Variants in RELB observed in about 807,000 individuals in gnomAD.
RELB encodes transcription factor RelB.
Under a neutral mutation model 55.4 loss-of-function variants are expected in RELB, and 14 were observed. The observed-to-expected ratio is 0.25, with a 90% CI of 0.17 to 0.40. The LOEUF (loss-of-function observed/expected upper bound fraction) is 0.40, where lower values mean the gene tolerates loss of function less well. RELB is among the 10% of genes least tolerant of loss of function. The pLI, the probability that RELB is intolerant of heterozygous loss-of-function variation, is 1.00. For missense variants in RELB, 669 were observed against 830.7 expected, an observed-to-expected ratio of 0.81 and a Z score of 2.39; for synonymous variants, 409 against 371.3, an observed-to-expected ratio of 1.10 and a Z score of -1.17.
In RELB at chr19:45,014,666, C is replaced by T. The variant is rs147179450; in HGVS notation, c.504+2390C>T. Among the ~76,000 whole-genome samples, 1,431 of 150,030 alleles carry T rather than the reference C, an allele frequency of 9.5e-3. 12 individuals are homozygous for T. The highest frequency in any genetic ancestry group is 0.034 in the South Asian group (163 of 4,742). On this transcript the variant is annotated intron_variant, in intron 4 of 11. Transcript: ENST00000221452. ...CCAAGTAGCTGGGATTACAGGCACG[C>T]GCCATGATGTCCGGCTAATATTTTG...
intron 5 of RELB, among the ~76,000 whole-genome samples, chr19:45,023,433 C>T (rs1202791418): frequency 2.7e-5 from 4 of 150,454 alleles, no homozygotes; most frequent in Non-Finnish European, 4.4e-5. Flanking sequence ...TCCTTCCTTC[C>T]GTCCTTCTTT....
At chr19:45,022,875 T>C (rs1971507461) in intron 5 of RELB, among the ~76,000 whole-genome samples, 1 of 152,142 alleles carries the variant, frequency 6.6e-6, no homozygotes, top group Non-Finnish European at 1.5e-5. Flanking sequence ...ACAGAAGCAC[T>C]GTATAACTTT....
chr19:45,024,031 C>T (rs1175518220), intron 5 of RELB, among the ~76,000 whole-genome samples: 1 of 108,120 alleles, frequency 9.2e-6, no homozygotes, highest in African/African-American at 3.2e-5. Flanking sequence ...TTAGTAGAGA[C>T]GGGGTTTCAC....
intron 4 of RELB, 103 bp from the exon 5 acceptor site, chr19:45,021,950 T>C (rs1971494203): frequency 1.7e-6 from 2 of 1,156,302 alleles, no homozygotes; most frequent in Non-Finnish European, 2.4e-6. Context: ...CAGAGGACCC[T>C]AGTGGGGAGA....
intron 7 of RELB, among the ~76,000 whole-genome samples, chr19:45,028,393 A>C (rs1029261399): frequency 3.9e-5 from 6 of 152,024 alleles, no homozygotes; most frequent in African/African-American, 1.5e-4. Flanking sequence ...TTCCTCTGTC[A>C]CGATGGAGTG....
intron 2 of RELB, among the ~76,000 whole-genome samples, chr19:45,007,182 A>T (rs1448558521): frequency 2.6e-5 from 4 of 152,108 alleles, no homozygotes; most frequent in African/African-American, 4.8e-5. Context: ...GAGGCAGCAC[A>T]TACATAGTCA....
At chr19:45,008,479 A>T (rs1391080778) in intron 2 of RELB, 2 of 456,240 alleles carry the variant, frequency 4.4e-6, no homozygotes, top group Non-Finnish European at 8.8e-6. Context: ...ACAGATGCCT[A>T]AGAAGGATTT....
chr19:45,028,950 G>T lies in RELB; in HGVS notation c.949G>T (p.Gly317Cys). Residue 317 changes from glycine to cysteine, a missense_variant, in exon 8 of 12, where the codon GGT becomes TGT. Around this residue, in one of 3 missense-constraint regions of RELB, gnomAD observed 341 missense variants for 436.8 expected, o/e 0.78. Coordinates refer to ENST00000221452, the MANE Select transcript of RELB (RefSeq NM_006509.4). Reference sequence around the variant, plus strand: ...TAACAAGGAAAGCGGGCCGTGCACCGGTGGCGAGGAGCTCTACTTGCTCTG... The same window carrying T: ...TAACAAGGAAAGCGGGCCGTGCACCTGTGGCGAGGAGCTCTACTTGCTCTG... Reference protein sequence around the residue: ...RINKESGPCTGGEELYLLCDK... With the variant: ...RINKESGPCTCGEELYLLCDK... 6.3e-7 allele frequency: 1 copy of T among 1,597,046 alleles called. No individual in the cohort carries two copies. Among genetic ancestry groups the T allele is most frequent in the Non-Finnish European group, 8.5e-7 (1 of 1,172,456 alleles).
chr19:45,012,106 G>T lies in RELB; in HGVS notation c.334G>T (p.Gly112Cys). Residue 112 changes from glycine (G) to cysteine (C), a missense_variant, in exon 4 of 12, where the codon GGC becomes TGC. Gly to Cys is a radical substitution (Grantham distance 159, BLOSUM62 -3). Coordinates refer to ENST00000221452, the MANE Select transcript of RELB (RefSeq NM_006509.4). ...GCCGCCGCCTTGGGGCTGCCCCCTG[G>T]GCCGACTAGTGTCCCCAGCGCCGGG... ...ATPPPWGCPLGRLVSPAPGPG... is the reference protein window; with the variant it reads ...ATPPPWGCPLCRLVSPAPGPG... 6.4e-7 allele frequency: 1 copy of T among 1,557,024 alleles called. No homozygotes were observed. The highest frequency in any genetic ancestry group is 1.2e-5 in the South Asian group (1 of 84,522).
At chr19:45,022,322 C>A (rs1468027752) in intron 5 of RELB, 112 bp downstream of exon 5, 21 of 1,069,570 alleles carry the variant, frequency 2.0e-5, no homozygotes, top group Non-Finnish European at 2.7e-5. Flanking sequence ...ACCCTCCCCA[C>A]TGCCTCTTCT....
chr19:45,022,456 A>G (rs1270590474), intron 5 of RELB, among the ~76,000 whole-genome samples: 2 of 152,126 alleles, frequency 1.3e-5, no homozygotes, highest in Admixed American at 1.3e-4. Flanking sequence ...AGAGAGGGTA[A>G]GGAGCACAGA....
intron 4 of RELB, among the ~76,000 whole-genome samples, chr19:45,017,918 T>G (rs1326253739): frequency 6.6e-6 from 1 of 150,834 alleles, no homozygotes; most frequent in Non-Finnish European, 1.5e-5. Flanking sequence ...GTGCTGGGAT[T>G]GCAGGCACGA....
At chr19:45,008,432 G>A (rs1343841294) in intron 2 of RELB, 3 of 456,066 alleles carry the variant, frequency 6.6e-6, no homozygotes, top group Non-Finnish European at 1.3e-5. Context: ...AGGGTCCAAA[G>A]TCTAACTCTG....
intron 8 of RELB, among the ~76,000 whole-genome samples, chr19:45,029,858 G>GA (rs1056192670): frequency 5.3e-5 from 8 of 151,050 alleles, no homozygotes; most frequent in African/African-American, 1.9e-4. Context: ...TCAAAAAAAA[G>GA]AAAAAAAGAA....
chr19:45,008,529 C>T, intron 2 of RELB: 1 of 456,260 alleles, frequency 2.2e-6, no homozygotes, highest in South Asian at 1.5e-5. Flanking sequence ...TGCCACTGAC[C>T]TAGAGCGTGT....
chr19:45,004,186 G>A (rs965176428), intron 2 of RELB, among the ~76,000 whole-genome samples: 2 of 150,886 alleles, frequency 1.3e-5, no homozygotes, highest in African/African-American at 2.4e-5. Flanking sequence ...CCAAAGTGCT[G>A]GGATTACAGG....
chr19:45,010,107 C>T (rs181730528), intron 3 of RELB, among the ~76,000 whole-genome samples: 5 of 150,028 alleles, frequency 3.3e-5, no homozygotes, highest in African/African-American at 1.2e-4. Context: ...CAGGACTAGC[C>T]TGGGTAACAT....
chr19:45,005,582 G>T (rs540748833), intron 2 of RELB, among the ~76,000 whole-genome samples: 1 of 152,210 alleles, frequency 6.6e-6, no homozygotes, highest in South Asian at 2.1e-4. Context: ...CCCAAGCGGT[G>T]GTCCTGCGCA....
chr19:45,022,061 T>C lies in RELB; in HGVS notation c.513T>C (p.Asp171=). Residue 171 remains aspartate (D), a synonymous_variant, in exon 5 of 12, where the codon GAT becomes GAC. Transcript: ENST00000221452. ...SKTLPAIELR[D]CGGLREVEVT... ...GACTTCTCTTCCTGCAGCTCCGGGATTGTGGAGGGCTGCGGGAGGTGGAGG... is the reference window on the plus strand; with the variant it reads ...GACTTCTCTTCCTGCAGCTCCGGGACTGTGGAGGGCTGCGGGAGGTGGAGG... The C allele has an allele frequency of 6.2e-7, 1 of 1,609,510 alleles. No individual in the cohort carries two copies.
Sources: gnomAD v4.1 joint callset for allele counts (sites outside exome capture counted in the v4.1 genomes callset) on GRCh38, gnomAD v4.1.1 for gene constraint, gnomAD v4.1.1 regional missense constraint, MANE v1.5 for transcripts, NCBI Gene and HGNC (gene_info 2026-07-23, HGNC 2026-07-21) for gene names.